The following SPAG16 variants were observed in gnomAD, a reference collection of about 807,000 sequenced individuals.
SPAG16 encodes sperm associated antigen 16, also known as sperm-associated antigen 16 protein.
In SPAG16, 86 loss-of-function variants were observed where a neutral mutation model predicts 80.4. The observed-to-expected ratio is 1.07, with a 90% CI of 0.90 to 1.28. The LOEUF is 1.28. Ranked by LOEUF, SPAG16 falls within the 50% of genes most tolerant of loss-of-function variation. The probability of loss-of-function intolerance (pLI) is 0.00; values close to 1 mark genes in which losing one functional copy is unlikely to be tolerated. For synonymous variants in SPAG16, 294 were observed against 265.9 expected (o/e 1.11, Z -1.03); for missense variants, 870 against 765.3 (o/e 1.14, Z -1.61).
chr2:213,292,675 A>C (rs1219053460), intron 1 of SPAG16, among the ~76,000 whole-genome samples: 14 of 125,744 alleles, frequency 1.1e-4, no homozygotes, highest in Non-Finnish European at 2.6e-4. Flanking sequence ...AAAAAAAAAA[A>C]CAAAAAAAAC....
chr2:214,225,048 A>G (rs1366528603), intron 15 of SPAG16, among the ~76,000 whole-genome samples: 1 of 152,222 alleles, frequency 6.6e-6, no homozygotes, highest in African/African-American at 2.4e-5. Context: ...TTCACGAATA[A>G]GGTAACATTT....
At chr2:214,317,244 A>G (rs1050326332) in intron 15 of SPAG16, among the ~76,000 whole-genome samples, 3 of 152,214 alleles carry the variant, frequency 2.0e-5, no homozygotes, top group Non-Finnish European at 2.9e-5. Context: ...TGTCAACATA[A>G]GGCCAAGAAT....
At chr2:214,087,911 T>C (rs145554246) in intron 13 of SPAG16, among the ~76,000 whole-genome samples, 140 of 151,892 alleles carry the variant, frequency 9.2e-4, no homozygotes, top group African/African-American at 3.2e-3. Flanking sequence ...ATACTAAAAA[T>C]AGTATTCTGC....
At chr2:214,212,403 C>A (rs1031562804) in intron 15 of SPAG16, among the ~76,000 whole-genome samples, 4 of 152,078 alleles carry the variant, frequency 2.6e-5, no homozygotes, top group African/African-American at 9.7e-5. Context: ...CCTCCCCGAC[C>A]ACCCACTCCC....
chr2:213,981,898 G>T (rs923008712), intron 12 of SPAG16, among the ~76,000 whole-genome samples: 1 of 149,242 alleles, frequency 6.7e-6, no homozygotes, highest in Admixed American at 6.6e-5. Flanking sequence ...CATTTTCTTG[G>T]ATTAAAATTC....
intron 9 of SPAG16, among the ~76,000 whole-genome samples, chr2:213,389,921 GA>G (rs2067652431): frequency 2.0e-5 from 3 of 152,086 alleles, no homozygotes; most frequent in Non-Finnish European, 4.4e-5. Flanking sequence ...ATGTTAAAAA[GA>G]TATTTTACAC....
intron 10 of SPAG16, among the ~76,000 whole-genome samples, chr2:213,719,686 A>C (rs1309624593): frequency 1.3e-5 from 2 of 152,216 alleles, no homozygotes; most frequent in African/African-American, 4.8e-5. Flanking sequence ...GTCAGGAAAC[A>C]ACAGATGCTG....
chr2:213,559,375 A>G (rs947191934), intron 10 of SPAG16, among the ~76,000 whole-genome samples: 11 of 152,298 alleles, frequency 7.2e-5, no homozygotes, highest in Admixed American at 1.3e-4. Flanking sequence ...ACGAGCATCA[A>G]TGCACTACTG....
chr2:213,684,542 A>T (rs1367102750), intron 10 of SPAG16, among the ~76,000 whole-genome samples: 1 of 152,238 alleles, frequency 6.6e-6, no homozygotes, highest in Admixed American at 6.5e-5. Context: ...AAAATAGATC[A>T]CTTCATATTT....
chr2:213,677,059 C>G (rs2064120852), intron 10 of SPAG16, among the ~76,000 whole-genome samples: 1 of 152,018 alleles, frequency 6.6e-6, no homozygotes, highest in Admixed American at 6.6e-5. Context: ...CACATTTCAG[C>G]TCCTGTTATT....
chr2:214,291,006 T>G (rs1693752506), intron 15 of SPAG16, among the ~76,000 whole-genome samples: 1 of 152,190 alleles, frequency 6.6e-6, no homozygotes, highest in African/African-American at 2.4e-5. Flanking sequence ...TCTCTTTAGA[T>G]CTGGTAATAC....
intron 13 of SPAG16, among the ~76,000 whole-genome samples, chr2:214,021,110 GT>G (rs2047840759): frequency 6.6e-6 from 1 of 152,084 alleles, no homozygotes; most frequent in South Asian, 2.1e-4. Flanking sequence ...GAATATTTGT[GT>G]TTTGGGGAGA....
chr2:214,131,975 G>A (rs2054805864), intron 14 of SPAG16, among the ~76,000 whole-genome samples: 1 of 152,124 alleles, frequency 6.6e-6, no homozygotes, highest in Admixed American at 6.6e-5. Context: ...TTCACCAATT[G>A]TAACAAGTGT....
intron 10 of SPAG16, among the ~76,000 whole-genome samples, chr2:213,651,328 G>A (rs1404928936): frequency 6.6e-6 from 1 of 152,158 alleles, no homozygotes; most frequent in African/African-American, 2.4e-5. Flanking sequence ...AGAGAGGAAA[G>A]CCAAGTTTAA....
At chr2:213,789,421 A>G (rs1443346199) in intron 10 of SPAG16, among the ~76,000 whole-genome samples, 2 of 151,994 alleles carry the variant, frequency 1.3e-5, no homozygotes, top group African/African-American at 4.8e-5. Context: ...AAAAAGTAAT[A>G]TTGCAATGCT....
intron 9 of SPAG16, among the ~76,000 whole-genome samples, chr2:213,483,615 A>C (rs2073850419): frequency 6.6e-6 from 1 of 152,122 alleles, no homozygotes; most frequent in South Asian, 2.1e-4. Flanking sequence ...CCATTCACAG[A>C]GACTCTGATT....
chr2:213,811,981 G>T, intron 10 of SPAG16, among the ~76,000 whole-genome samples: 1 of 152,052 alleles, frequency 6.6e-6, no homozygotes, highest in East Asian at 1.9e-4. Flanking sequence ...ACAGTTTCAG[G>T]GGTAGGAAAT....
At chr2:214,161,012 T>A (rs1406382316) in intron 15 of SPAG16, among the ~76,000 whole-genome samples, 1 of 151,994 alleles carries the variant, frequency 6.6e-6, no homozygotes, top group African/African-American at 2.4e-5. Flanking sequence ...TTATATTGAG[T>A]CAATTGTTCA....
intron 10 of SPAG16, among the ~76,000 whole-genome samples, chr2:213,651,110 C>A (rs1286798523): frequency 2.0e-5 from 3 of 152,132 alleles, no homozygotes; most frequent in Admixed American, 6.5e-5. Flanking sequence ...TTGATAACTA[C>A]TAAATACTGT....
Sources: allele counts gnomAD v4.1 joint callset (sites outside exome capture counted in the v4.1 genomes callset), GRCh38; gene constraint gnomAD v4.1.1; transcripts MANE v1.5; gene names NCBI Gene and HGNC (gene_info 2026-07-23, HGNC 2026-07-21).